AKAP4: variants seen among roughly 807,000 people sequenced by gnomAD.
AKAP4 encodes the protein A-kinase anchor protein 4.
A neutral mutation model predicts 42.6 loss-of-function variants in AKAP4; 4 were observed. That is an observed-to-expected ratio of 0.09 (90% CI 0.05 to 0.22). The LOEUF (loss-of-function observed/expected upper bound fraction) is 0.22, where lower values mean the gene tolerates loss of function less well. AKAP4 is among the 10% of genes least tolerant of loss of function. The pLI is 1.00. For missense variants in AKAP4, 551 were observed against 630.7 expected (o/e 0.87, Z 1.35); for synonymous variants, 223 against 233.0 (o/e 0.96, Z 0.39).
chrX:50,198,688 G>A lies in AKAP4; in HGVS notation c.92C>T (p.Pro31Leu), dbSNP rs200664210. The change falls in exon 2 of 6, where the codon CCA (proline) becomes CTA (leucine). Residue 31 changes from proline (P) to leucine (L), a missense_variant. By Grantham distance (98) the Pro-to-Leu change is moderately conservative. Coordinates refer to ENST00000358526, the MANE Select transcript of AKAP4 (RefSeq NM_003886.3). The stretch of plus-strand genomic sequence containing the variant: ...CCGGTCCTGATCTTGCTGTCCTTCT[G>A]GGTTGTAGAGATCTACCTTGCACAC... ...RGVCKVDLYN[P>L]EGQQDQDRKV... 2 of 1,209,360 alleles carry A rather than the reference G, an allele frequency of 1.7e-6. No homozygotes were observed. The highest frequency in any genetic ancestry group is 2.2e-6 in the Non-Finnish European group (2 of 894,035).
Position 50,194,142 on chromosome X carries a change from G to A in AKAP4, c.571C>T (p.Pro191Ser). The change falls in exon 5 of 6, where the codon CCT becomes TCT. Residue 191 changes from proline to serine, a missense_variant. By Grantham distance (74) the Pro-to-Ser change is moderately conservative (BLOSUM62 -1). Transcript: ENST00000358526. ...AAKNTNNNQS[P>S]SAPPAKPPST... ...GGAGGTTTGGCTGGAGGAGCTGAAG[G>A]ACTTTGATTATTGTTGGTGTTTTTA... is the stretch of plus-strand genomic sequence containing the variant. 3.3e-6 allele frequency: 4 copies of A among 1,211,729 alleles called. No individual in the cohort carries two copies. In the South Asian group the frequency reaches 5.3e-5, roughly 16 times the overall value.
At chrX:50,191,664 G>A (rs1025241481) in intron 5 of AKAP4, among the ~76,000 whole-genome samples, 51 of 22,470 alleles carry the variant, frequency 2.3e-3, no homozygotes, top group South Asian at 5.4e-3. Context: ...GTGTGTGAGA[G>A]AGAGAAAGAG....
chrX:50,200,409 G>C, intron 1 of AKAP4: 7 of 752,878 alleles, frequency 9.3e-6, no homozygotes, highest in Non-Finnish European at 1.1e-5. Flanking sequence ...TCTGACCCTG[G>C]GGTGTGGCAA....
chrX:50,198,828 T>C, intron 1 of AKAP4, 76 bp from the exon 2 acceptor site: 1 of 769,441 alleles, frequency 1.3e-6, no homozygotes, highest in Non-Finnish European at 1.9e-6. Context: ...GATAAGAATC[T>C]CTGGAGGGGT....
chrX:50,194,467 G>A (rs782819828), intron 4 of AKAP4, 31 bp from the exon 5 acceptor site: 4 of 1,078,067 alleles, frequency 3.7e-6, no homozygotes, highest in Admixed American at 3.1e-5. Context: ...ATCCATAAGA[G>A]TTTGGGTAGG....
chrX:50,193,392 T>G lies in AKAP4; in HGVS notation c.1321A>C (p.Thr441Pro), dbSNP rs782675260. The change falls in exon 5 of 6, where the codon ACT becomes CCT. Residue 441 changes from threonine (T) to proline (P), a missense_variant. Coordinates refer to ENST00000358526, the MANE Select transcript of AKAP4 (RefSeq NM_003886.3). Reference protein sequence around the residue: ...VSALIGEEKETKSQSLSYASL... With the variant: ...VSALIGEEKEPKSQSLSYASL... The stretch of plus-strand genomic sequence containing the variant: ...GCATATGACAGACTCTGAGACTTAG[T>G]CTCCTTCTCCTCACCTATAAGGGCA... The G allele has an allele frequency of 6.6e-6, 8 of 1,211,619 alleles. No homozygotes were observed. Among genetic ancestry groups the G allele is most frequent in the Non-Finnish European group, 8.9e-6 (8 of 895,496 alleles).
chrX:50,192,471 G>T lies in AKAP4; in HGVS notation c.2242C>A (p.Pro748Thr). ...GTRCIHSGAM[P>T]QNYQDSLGHE... ...CCAAGAGAGTCTTGATAGTTCTGTGGCATTGCACCACTGTGAATGCATCTG... is the reference window on the plus strand; with the variant it reads ...CCAAGAGAGTCTTGATAGTTCTGTGTCATTGCACCACTGTGAATGCATCTG... The change falls in exon 5 of 6, where the codon CCA (proline) becomes ACA (threonine). Residue 748 changes from proline (P) to threonine (T), a missense_variant. Coordinates refer to ENST00000358526, the MANE Select transcript of AKAP4 (RefSeq NM_003886.3). 8.3e-7 allele frequency: 1 copy of T among 1,210,166 alleles called. No homozygotes were observed. Among genetic ancestry groups the T allele is most frequent in the South Asian group, 1.8e-5 (1 of 56,608 alleles).
In AKAP4 at chrX:50,190,961, C is replaced by T; in HGVS notation, c.2564G>A (p.Ter855=). The change falls in exon 6 of 6, where the codon TGA becomes TAA. Residue 855 remains the stop codon, a stop_retained_variant. Coordinates refer to ENST00000358526, the MANE Select transcript of AKAP4 (RefSeq NM_003886.3). ...GATGAAGAGGAGTCAAGGATCAGCT[C>T]ACAGGTTAGCGAGCAGCCAGTCCAG... ...QLLDWLLANL[*] 8.3e-7 allele frequency: 1 copy of T among 1,209,995 alleles called. No homozygotes were observed. The highest frequency in any genetic ancestry group is 1.1e-6 in the Non-Finnish European group (1 of 895,021).
intron 1 of AKAP4, 74 bp downstream of exon 1, chrX:50,200,789 C>T (rs1432543963): frequency 3.0e-6 from 3 of 1,005,711 alleles, no homozygotes; most frequent in African/African-American, 1.9e-5. Context: ...GAGGCTGCCT[C>T]AGCAGCTTCT....
chrX:50,197,332 CA>C (rs782134054), intron 3 of AKAP4, among the ~76,000 whole-genome samples: 1 of 110,780 alleles, frequency 9.0e-6, no homozygotes, highest in African/African-American at 3.3e-5. Flanking sequence ...GTCCTACCAG[CA>C]ACTTAAGTGG....
Position 50,196,927 on chromosome X carries a change from G to T in AKAP4, c.240C>A (p.Ile80=). The stretch of plus-strand genomic sequence containing the variant: ...CTTTCTTCTCAGTGTCCTTGATCAC[G>T]ATAATCTCTTTTTCTTCCAGACTTC... ...NLGSLEEKEI[I]VIKDTEKKDQ... is the part of the protein sequence containing the mutation. Residue 80 remains isoleucine, a synonymous_variant, in exon 4 of 6, where the codon ATC becomes ATA. Transcript: ENST00000358526. 8.3e-7 allele frequency: 1 copy of T among 1,209,684 alleles called. No individual in the cohort carries two copies. Among genetic ancestry groups the T allele is most frequent in the South Asian group, 1.8e-5 (1 of 56,881 alleles).
chrX:50,198,649 T>C lies in AKAP4; in HGVS notation c.123+8A>G, dbSNP rs781962652. ...CTACTCCTCGGCATGAGTCATTTTT[T>C]ATCTTACCACTTTCCGGTCCTGATC... On this transcript the variant is annotated splice_region_variant and intron_variant, in intron 2 of 5. Coordinates refer to ENST00000358526, the MANE Select transcript of AKAP4 (RefSeq NM_003886.3). 2.2e-4 allele frequency: 269 copies of C among 1,199,540 alleles called. No individual in the cohort carries two copies. Among genetic ancestry groups the C allele is most frequent in the Non-Finnish European group, 2.9e-4 (255 of 886,755 alleles).
rs782433333 is a variant in AKAP4 at position 50,198,777 on chromosome X, T to G, written c.28-25A>C. The G allele has an allele frequency of 8.0e-6, 9 of 1,130,267 alleles. No homozygotes were observed. The East Asian group carries it at 2.7e-4, about 34-fold the overall frequency. 93.1% of individuals were successfully genotyped at this position (1,130,267 alleles called of 1,213,427 possible). ...TCTGGAAAGAGAAAGAAAAGAAAGC[T>G]GAAATGCTTATATATGGTTTTTGGA... On this transcript the variant is annotated intron_variant, in intron 1 of 5. Transcript: ENST00000358526.
At chrX:50,195,541 A>C (rs1380330202) in intron 4 of AKAP4, among the ~76,000 whole-genome samples, 1 of 111,689 alleles carries the variant, frequency 9.0e-6, no homozygotes, top group Non-Finnish European at 1.9e-5. Flanking sequence ...TATGCATGTA[A>C]TGTGTGTGAA....
At chrX:50,191,659 T>TGTGTGAGAGAGAAAGA (rs1363221828) in intron 5 of AKAP4, among the ~76,000 whole-genome samples, 8 of 43,608 alleles carry the variant, frequency 1.8e-4, no homozygotes, top group African/African-American at 5.2e-4. Flanking sequence ...TGTGTGTGTG[T>TGTGTGAGAGAGAAAGA]GAGAGAGAGA....
intron 4 of AKAP4, among the ~76,000 whole-genome samples, chrX:50,195,178 T>G (rs1935173845): frequency 8.9e-6 from 1 of 112,335 alleles, no homozygotes; most frequent in African/African-American, 3.2e-5. Flanking sequence ...TGTTAAAACA[T>G]GAATATGTGT....
At position 50,193,435 on chromosome X, in the gene AKAP4, C is replaced by T. The variant is rs1329015707; in HGVS notation, c.1278G>A (p.Met426Ile). 2.1e-5 allele frequency: 25 copies of T among 1,211,871 alleles called. No individual in the cohort carries two copies. The highest frequency in any genetic ancestry group is 2.7e-5 in the Non-Finnish European group (24 of 895,615). Residue 426 changes from methionine to isoleucine, a missense_variant, in exon 5 of 6, where the codon ATG (methionine) becomes ATA (isoleucine). Transcript: ENST00000358526. ...TAAGGGCACTGACCAAGCGCTTCAG[C>T]ATGGCCTCCATGATGTCTGTAGCAT... ...KQNATDIMEA[M>I]LKRLVSALIG... is the part of the protein sequence containing the mutation.
chrX:50,197,655 T>G lies in AKAP4; in HGVS notation c.124-61A>C, dbSNP rs1448673412. 9.9e-6 allele frequency: 10 copies of G among 1,012,481 alleles called. No individual in the cohort carries two copies. In the East Asian group the frequency reaches 3.1e-4, roughly 31 times the overall value. 83.4% of individuals were successfully genotyped at this position (1,012,481 alleles called of 1,213,427 possible). A position where few individuals can be genotyped will look rare whatever the true frequency, so the allele number is the denominator to read the frequency against. On this transcript the variant is annotated intron_variant, in intron 2 of 5. Coordinates refer to ENST00000358526, the MANE Select transcript of AKAP4 (RefSeq NM_003886.3). Reference sequence around the variant, plus strand: ...CTAGAGAAAGGGGCATAATTTCTCTTTCTTGGAGATGATAATAGCACCTAC... The same window carrying G: ...CTAGAGAAAGGGGCATAATTTCTCTGTCTTGGAGATGATAATAGCACCTAC...
In AKAP4 at chrX:50,191,099, G is replaced by A. The variant is rs1436648127; in HGVS notation, c.2426C>T (p.Ala809Val). The A allele has an allele frequency of 2.5e-6, 3 of 1,207,167 alleles. No homozygotes were observed. In the African/African-American group the frequency reaches 5.3e-5, roughly 21 times the overall value. ...GQLEKLPQVS[A>V]KAAEKGYSVG... is the part of the protein sequence containing the mutation. ...ACTGTACCCCTTCTCTGCTGCTTTA[G>A]CTGAAACCTGAGGAAGCTGTGGGGA... Residue 809 changes from alanine (A) to valine (V), a missense_variant, in exon 6 of 6, where the codon GCT (alanine) becomes GTT (valine). Coordinates refer to ENST00000358526, the MANE Select transcript of AKAP4 (RefSeq NM_003886.3).
Sources: gnomAD v4.1 joint callset for allele counts (sites outside exome capture counted in the v4.1 genomes callset) on GRCh38, gnomAD v4.1.1 for gene constraint, MANE v1.5 for transcripts, NCBI Gene and HGNC (gene_info 2026-07-23, HGNC 2026-07-21) for gene names.